The following GRPEL1 variants were observed in gnomAD, a reference collection of about 807,000 sequenced individuals.
GRPEL1 encodes the protein GrpE like 1, mitochondrial, also known as grpE protein homolog 1, mitochondrial.
Under a neutral mutation model 22.1 loss-of-function variants are expected in GRPEL1, and 13 were observed. The observed-to-expected ratio is 0.59, with a 90% CI of 0.38 to 0.94. The LOEUF (loss-of-function observed/expected upper bound fraction) is 0.94, where lower values mean the gene tolerates loss of function less well. Among genes scored for constraint, GRPEL1 ranks in the 40% least tolerant of loss-of-function variants. The pLI, the probability that GRPEL1 is intolerant of heterozygous loss-of-function variation, is 0.00. For synonymous variants in GRPEL1, 109 were observed against 105.3 expected, an observed-to-expected ratio of 1.03 and a Z score of -0.21; for missense variants, 289 against 264.6, an observed-to-expected ratio of 1.09 and a Z score of -0.64.
intron 3 of GRPEL1, 59 bp from the exon 4 acceptor site, chr4:7,061,267 A>G: frequency 7.3e-7 from 1 of 1,372,512 alleles, no homozygotes; most frequent in Admixed American, 2.0e-5. Context: ...GGCAATTCCA[A>G]ACTGAGCACT....
At chr4:7,061,238 C>A in intron 3 of GRPEL1, 30 bp from the exon 4 acceptor site, 1 of 1,564,926 alleles carries the variant, frequency 6.4e-7, no homozygotes, top group Non-Finnish European at 8.7e-7. Context: ...ATCATTTGCA[C>A]TCCATACCAA....
chr4:7,068,041 C>G lies in GRPEL1; in HGVS notation c.-9G>C, dbSNP rs370791021. On this transcript the variant is annotated 5_prime_UTR_variant, in exon 1 of 4. Coordinates refer to ENST00000264954, the MANE Select transcript of GRPEL1 (RefSeq NM_025196.4). ...ACGCACTGAGCCGCCATGACTGCCA[C>G]TGCCCGTCGCAGTCGCCGCGCACGC... 8.1e-6 allele frequency: 13 copies of G among 1,612,468 alleles called. No individual in the cohort carries two copies. In the African/African-American group the frequency reaches 1.3e-4, roughly 17 times the overall value.
Position 7,061,197 on chromosome 4 carries a change from AG to A in GRPEL1, c.318del (p.Phe107SerfsTer31). The A allele has an allele frequency of 6.2e-7, 1 of 1,609,736 alleles. No individual in the cohort carries two copies. The highest frequency in any genetic ancestry group is 8.5e-7 in the Non-Finnish European group (1 of 1,177,740). On this transcript the variant is annotated frameshift_variant, in exon 4 of 4. Transcript: ENST00000264954. LOFTEE classifies it high-confidence loss of function. ...GCCACCTCCAACAAGTCCTTGCAGA[AG>A]GCTTGAATGCCTGGATGAAGTTAAA... Reference protein sequence around the residue: ...VEEAKLYGIQAFCKDLLEVAD... With the variant: ...VEEAKLYGIQXFCKDLLEVAD...
chr4:7,060,829 T>C lies in GRPEL1; in HGVS notation c.*33A>G. ...AACCAGCCTTGAGAGTTACATCAAG[T>C]GAGTTTAAAAACACCCACCCCATCA... On this transcript the variant is annotated 3_prime_UTR_variant, in exon 4 of 4. Coordinates refer to ENST00000264954, the MANE Select transcript of GRPEL1 (RefSeq NM_025196.4). 6.5e-7 allele frequency: 1 copy of C among 1,539,388 alleles called. No individual in the cohort carries two copies. Among genetic ancestry groups the C allele is most frequent in the Non-Finnish European group, 8.9e-7 (1 of 1,127,150 alleles).
intron 1 of GRPEL1, among the ~76,000 whole-genome samples, chr4:7,065,697 G>C (rs192352680): frequency 2.3e-4 from 35 of 152,246 alleles, no homozygotes; most frequent in African/African-American, 7.7e-4. Context: ...GCTTCAGGAA[G>C]ATGAAACTGC....
rs1026620641 is a variant in GRPEL1, at chr4:7,060,385, T to G, written c.*477A>C. 6.4e-6 allele frequency: 1 copy of G among 156,828 alleles called. No individual in the cohort carries two copies. The highest frequency in any genetic ancestry group is 1.9e-4 in the South Asian group (1 of 5,276). 9.7% of individuals were successfully genotyped at this position (156,828 alleles called of 1,614,324 possible). A position where few individuals can be genotyped will look rare whatever the true frequency, so the allele number is the denominator to read the frequency against. ...GAACTCACTATGTTCTTCACAAAGA[T>G]CATTTTTTTTAAGTAAGAAAAATGT... On this transcript the variant is annotated 3_prime_UTR_variant, in exon 4 of 4. Transcript: ENST00000264954.
intron 3 of GRPEL1, chr4:7,062,106 A>G: frequency 4.3e-6 from 1 of 233,568 alleles, no homozygotes; most frequent in Non-Finnish European, 8.2e-6. Flanking sequence ...GGCTAAGGGG[A>G]TGGGCATCAG....
Position 7,060,849 on chromosome 4 carries a change from C to T in GRPEL1, c.*13G>A, listed in dbSNP as rs752676000. The T allele has an allele frequency of 6.3e-7, 1 of 1,596,774 alleles. No homozygotes were observed. Among genetic ancestry groups the T allele is most frequent in the East Asian group, 2.2e-5 (1 of 44,770 alleles). On this transcript the variant is annotated 3_prime_UTR_variant, in exon 4 of 4. Coordinates refer to ENST00000264954, the MANE Select transcript of GRPEL1 (RefSeq NM_025196.4). ...TCAAGTGAGTTTAAAAACACCCACCCCATCAACAGCAGCTAAGCTTCCTTC... is the reference window on the plus strand; with the variant it reads ...TCAAGTGAGTTTAAAAACACCCACCTCATCAACAGCAGCTAAGCTTCCTTC...
chr4:7,064,879 C>T (rs1395145949), intron 1 of GRPEL1, among the ~76,000 whole-genome samples: 3 of 152,250 alleles, frequency 2.0e-5, no homozygotes, highest in East Asian at 1.9e-4. Flanking sequence ...ACTGTAACCC[C>T]GAACTCCTGG....
intron 3 of GRPEL1, 94 bp downstream of exon 3, chr4:7,062,291 G>T: frequency 7.2e-6 from 3 of 415,064 alleles, no homozygotes; most frequent in South Asian, 2.6e-5. Flanking sequence ...CCACCCCACA[G>T]CCTTGCTCTC....
intron 1 of GRPEL1, chr4:7,064,425 A>G (rs1724114515): frequency 2.2e-6 from 1 of 465,114 alleles, no homozygotes; most frequent in Non-Finnish European, 3.8e-6. Context: ...TAAGTCATAT[A>G]CAATGTGCCT....
chr4:7,062,484 G>GGA lies in GRPEL1; in HGVS notation c.226-20_226-19dup, dbSNP rs757058132. On this transcript the variant is annotated intron_variant, in intron 2 of 3. Transcript: ENST00000264954. ...TATTTTTCCTAAAAGAGAAAAAAAGGGATATTTATATATATATATATATAT... is the reference window on the plus strand; with the variant it reads ...TATTTTTCCTAAAAGAGAAAAAAAGGGAGATATTTATATATATATATATATAT... 1.4e-4 allele frequency: 62 copies of GGA among 431,378 alleles called. 7 individuals are homozygous for GGA. The African/African-American group carries it at 1.4e-3, about 10-fold the overall frequency. The allele number at this position is 431,378 out of a possible 1,614,324, so 26.7% of individuals were successfully genotyped here.
At chr4:7,067,042 A>C (rs1387426391) in intron 1 of GRPEL1, among the ~76,000 whole-genome samples, 1 of 152,208 alleles carries the variant, frequency 6.6e-6, no homozygotes, top group Non-Finnish European at 1.5e-5. Flanking sequence ...TTAAGCTAGC[A>C]CTTACCCCTT....
At chr4:7,062,526 G>A in intron 2 of GRPEL1, 60 bp from the exon 3 acceptor site, 1 of 430,778 alleles carries the variant, frequency 2.3e-6, no homozygotes, top group Non-Finnish European at 3.3e-6. Context: ...CTTTTTTTTT[G>A]AGACGGAATC....
At chr4:7,062,320 G>A (rs1237191370) in intron 3 of GRPEL1, 65 bp downstream of exon 3, 2 of 710,416 alleles carry the variant, frequency 2.8e-6, no homozygotes, top group Admixed American at 2.0e-5. Flanking sequence ...CCGTATGCAT[G>A]GCCTTCCCCT....
intron 1 of GRPEL1, among the ~76,000 whole-genome samples, chr4:7,066,850 C>A (rs1223219724): frequency 6.6e-6 from 1 of 152,188 alleles, no homozygotes; most frequent in Non-Finnish European, 1.5e-5. Flanking sequence ...CCTGCCTTTC[C>A]CTAGTTGAGC....
At chr4:7,067,182 G>A (rs1453347486) in intron 1 of GRPEL1, among the ~76,000 whole-genome samples, 1 of 152,018 alleles carries the variant, frequency 6.6e-6, no homozygotes, top group East Asian at 1.9e-4. Context: ...TTGGTTCTAG[G>A]CACTTCCTCC....
chr4:7,061,421 A>G (rs1577220946), intron 3 of GRPEL1: 1 of 542,760 alleles, frequency 1.8e-6, no homozygotes, highest in Non-Finnish European at 3.2e-6. Flanking sequence ...TTTAGAATTC[A>G]CTAAAATGTG....
At chr4:7,063,483 G>A (rs1337632827) in intron 2 of GRPEL1, among the ~76,000 whole-genome samples, 2 of 152,212 alleles carry the variant, frequency 1.3e-5, no homozygotes, top group Non-Finnish European at 2.9e-5. Context: ...GTGGCAAGGA[G>A]CAAGAGCTCC....
Sources: gnomAD v4.1 joint callset for allele counts (sites outside exome capture counted in the v4.1 genomes callset) on GRCh38, gnomAD v4.1.1 for gene constraint, MANE v1.5 for transcripts, NCBI Gene and HGNC (gene_info 2026-07-23, HGNC 2026-07-21) for gene names.